Variants in LARP1B observed in about 807,000 individuals in gnomAD.
The protein encoded by LARP1B is la-related protein 1B.
In LARP1B, 76 loss-of-function variants were observed where a neutral mutation model predicts 114.2. The observed-to-expected ratio is 0.67, with a 90% CI of 0.55 to 0.81. The LOEUF (loss-of-function observed/expected upper bound fraction) is 0.81. Ranked by LOEUF, LARP1B falls within the 30% of genes least tolerant of loss-of-function variation. The pLI is 0.00. For missense variants in LARP1B, 1,014 were observed against 1,075.8 expected, an observed-to-expected ratio of 0.94 and a Z score of 0.80; for synonymous variants, 345 against 348.0, an observed-to-expected ratio of 0.99 and a Z score of 0.10.
intron 11 of LARP1B, among the ~76,000 whole-genome samples, chr4:128,136,246 T>C (rs1725205113): frequency 6.6e-6 from 1 of 151,740 alleles, no homozygotes; most frequent in Non-Finnish European, 1.5e-5. Flanking sequence ...TGAGCTGAGA[T>C]TGCGCCATCG....
chr4:128,102,477 C>T (rs1780647259), intron 8 of LARP1B, among the ~76,000 whole-genome samples: 1 of 152,168 alleles, frequency 6.6e-6, no homozygotes, highest in Non-Finnish European at 1.5e-5. Context: ...TCATTTTAAC[C>T]AGCTTCTTCC....
chr4:128,121,264 A>G (rs1787874397), intron 10 of LARP1B, among the ~76,000 whole-genome samples: 2 of 152,240 alleles, frequency 1.3e-5, no homozygotes, highest in African/African-American at 2.4e-5. Flanking sequence ...AGGGAAGACC[A>G]TTGACTCTGA....
chr4:128,140,489 C>T (rs1422456989), intron 11 of LARP1B, among the ~76,000 whole-genome samples: 4 of 151,920 alleles, frequency 2.6e-5, no homozygotes, highest in Admixed American at 6.6e-5. Flanking sequence ...GTACACTTAA[C>T]GTATATAGAT....
At chr4:128,135,379 A>G (rs553798286) in intron 11 of LARP1B, among the ~76,000 whole-genome samples, 1 of 152,294 alleles carries the variant, frequency 6.6e-6, no homozygotes, top group South Asian at 2.1e-4. Flanking sequence ...TCAAAAAATT[A>G]AGGATAGAAA....
chr4:128,176,185 TA>T (rs112482542), intron 12 of LARP1B, among the ~76,000 whole-genome samples: 3,483 of 143,574 alleles, frequency 0.024, 71 homozygotes, highest in East Asian at 0.11. Context: ...TATAAATATA[TA>T]AATATATTTT....
At chr4:128,201,729 G>A (rs1756011570) in intron 17 of LARP1B, among the ~76,000 whole-genome samples, 2 of 152,170 alleles carry the variant, frequency 1.3e-5, no homozygotes, top group South Asian at 2.1e-4. Context: ...GAGAGTGCCT[G>A]TAGGGCTGAG....
intron 9 of LARP1B, among the ~76,000 whole-genome samples, chr4:128,111,840 C>T (rs943098695): frequency 9.9e-5 from 15 of 151,808 alleles, no homozygotes; most frequent in Non-Finnish European, 7.4e-5. Context: ...TACCACCACG[C>T]CTGGCTAATT....
intron 9 of LARP1B, chr4:128,108,064 A>G: frequency 1.4e-6 from 2 of 1,456,886 alleles, no homozygotes; most frequent in Non-Finnish European, 1.8e-6. Context: ...AAGTTGGGCC[A>G]ACACTGCAGT....
intron 9 of LARP1B, among the ~76,000 whole-genome samples, chr4:128,111,119 T>G (rs924316857): frequency 8.6e-5 from 13 of 151,492 alleles, no homozygotes; most frequent in African/African-American, 3.2e-4. Flanking sequence ...CGATCTCTGC[T>G]CACTGCAGAC....
intron 7 of LARP1B, among the ~76,000 whole-genome samples, chr4:128,221,095 C>T (rs1759988598): frequency 6.6e-6 from 1 of 152,082 alleles, no homozygotes; most frequent in Admixed American, 6.5e-5. Context: ...TGATGATAGG[C>T]ATCCTCTGCA....
intron 10 of LARP1B, 141 bp from the exon 11 acceptor site, chr4:128,121,681 CACTT>C (rs1346506376): frequency 1.1e-5 from 6 of 556,494 alleles, no homozygotes; most frequent in Non-Finnish European, 1.9e-5. Flanking sequence ...AAATAATACT[CACTT>C]GATTTTCTTT....
At chr4:128,079,220 G>A (rs1769247274) in intron 4 of LARP1B, among the ~76,000 whole-genome samples, 1 of 151,514 alleles carries the variant, frequency 6.6e-6, no homozygotes, top group Non-Finnish European at 1.5e-5. Flanking sequence ...TCAGCCTCCT[G>A]AGTAGCTGGG....
intron 8 of LARP1B, among the ~76,000 whole-genome samples, chr4:128,100,118 C>T (rs569958763): frequency 2.8e-4 from 42 of 151,722 alleles, no homozygotes; most frequent in African/African-American, 1.0e-3. Flanking sequence ...TGCCACCACA[C>T]TCAGCTAATT....
chr4:128,068,187 T>G (rs932373680), intron 1 of LARP1B, among the ~76,000 whole-genome samples: 5 of 152,064 alleles, frequency 3.3e-5, no homozygotes, highest in Admixed American at 6.6e-5. Context: ...GCCAATAATT[T>G]TTGTATATTT....
intron 11 of LARP1B, among the ~76,000 whole-genome samples, chr4:128,143,480 G>C (rs1227367925): frequency 6.6e-6 from 1 of 152,004 alleles, no homozygotes; most frequent in Non-Finnish European, 1.5e-5. Flanking sequence ...GAACATGACT[G>C]ACAATTGAAA....
At chr4:128,070,544 C>T (rs1246424243) in intron 1 of LARP1B, among the ~76,000 whole-genome samples, 2 of 151,890 alleles carry the variant, frequency 1.3e-5, no homozygotes, top group African/African-American at 2.4e-5. Flanking sequence ...ACCTGTAATC[C>T]CAGCTACTTG....
intron 17 of LARP1B, among the ~76,000 whole-genome samples, chr4:128,201,271 C>T (rs952557764): frequency 6.6e-6 from 1 of 152,152 alleles, no homozygotes; most frequent in African/African-American, 2.4e-5. Flanking sequence ...GGGTACTACA[C>T]AAGGTTGTTA....
chr4:128,073,503 G>GAAAT (rs141586874), intron 1 of LARP1B, among the ~76,000 whole-genome samples: 67,691 of 117,014 alleles, frequency 0.58, 20,823 homozygotes, highest in Middle Eastern at 0.81. Flanking sequence ...CAGCATGAGA[G>GAAAT]AAATAAAGAG....
chr4:128,220,226 C>A, intron 6 of LARP1B: 1 of 182,496 alleles, frequency 5.5e-6, no homozygotes, highest in Non-Finnish European at 1.0e-5. Context: ...GAACTCCACT[C>A]TGACATTCTG....
Sources: gnomAD v4.1 joint callset for allele counts (sites outside exome capture counted in the v4.1 genomes callset) on GRCh38, gnomAD v4.1.1 for gene constraint, MANE v1.5 for transcripts, NCBI Gene and HGNC (gene_info 2026-07-23, HGNC 2026-07-21) for gene names.